YIPF2: variants seen among roughly 807,000 people sequenced by gnomAD.
The protein encoded by YIPF2 is Yip1 domain family member 2.
A neutral mutation model predicts 38.8 loss-of-function variants in YIPF2; 30 were observed. The observed-to-expected ratio is 0.77, with a 90% CI of 0.58 to 1.05. YIPF2 has a LOEUF of 1.05. Ranked by LOEUF, YIPF2 falls within the 50% of genes least tolerant of loss-of-function variation. The pLI is 0.00. For synonymous variants in YIPF2, 194 were observed against 183.8 expected (o/e 1.06, Z -0.45); for missense variants, 401 against 409.7 (o/e 0.98, Z 0.18).
Position 10,927,619 on chromosome 19 carries a change from C to G in YIPF2, c.279+11G>C. On this transcript the variant is annotated intron_variant, in intron 4 of 9. Coordinates refer to ENST00000586748, the MANE Select transcript of YIPF2 (RefSeq NM_001321439.2). ...CTCTGAGCCCCATCCCACCTGCCTCCCCAGCCTGACCTGTGAGGTGTCCAC... is the reference window on the plus strand; with the variant it reads ...CTCTGAGCCCCATCCCACCTGCCTCGCCAGCCTGACCTGTGAGGTGTCCAC... 6.2e-7 allele frequency: 1 copy of G among 1,613,254 alleles called. No homozygotes were observed. Among genetic ancestry groups the G allele is most frequent in the Non-Finnish European group, 8.5e-7 (1 of 1,179,658 alleles).
rs775654720 is a variant in YIPF2 at position 10,923,994 on chromosome 19, CG to C, written c.489del (p.Val164TrpfsTer187). ...IHYSPQFHKV[T>X]VAGISIYCYA... Reference sequence around the variant, plus strand: ...TAGCAGTAGATGCTGATGCCTGCCACGGTCACTGGGGGGGGCAAGGTGAGCA... The same window carrying C: ...TAGCAGTAGATGCTGATGCCTGCCACGTCACTGGGGGGGGCAAGGTGAGCA... On this transcript the variant is annotated frameshift_variant, in exon 7 of 10. Transcript: ENST00000586748. LOFTEE classifies it high-confidence loss of function. 1.2e-6 allele frequency: 2 copies of C among 1,612,676 alleles called. No individual in the cohort carries two copies. Among genetic ancestry groups the C allele is most frequent in the Non-Finnish European group, 1.7e-6 (2 of 1,179,348 alleles).
chr19:10,924,681 G>A (rs914258684), intron 5 of YIPF2, among the ~76,000 whole-genome samples: 1 of 152,062 alleles, frequency 6.6e-6, no homozygotes, highest in Non-Finnish European at 1.5e-5. Flanking sequence ...AGCTGGTCCC[G>A]TGGATACGTG....
chr19:10,928,341 C>A (rs1238362339), intron 2 of YIPF2, 39 bp downstream of exon 2: 2 of 1,322,612 alleles, frequency 1.5e-6, no homozygotes, highest in Non-Finnish European at 1.9e-6. Flanking sequence ...TGGCCCGGGG[C>A]GGGAGTGGGA....
Position 10,928,560 on chromosome 19 carries a change from A to G in YIPF2, c.-80T>C, listed in dbSNP as rs2083463168. On this transcript the variant is annotated 5_prime_UTR_variant, in exon 1 of 10. Transcript: ENST00000586748. Reference sequence around the variant, plus strand: ...GGCTTGAACTCGTCGTCCCGTCCCCACAGGTGCGCTCCGCCCCCCCTCACC... The same window carrying G: ...GGCTTGAACTCGTCGTCCCGTCCCCGCAGGTGCGCTCCGCCCCCCCTCACC... 8.9e-7 allele frequency: 1 copy of G among 1,117,918 alleles called. No homozygotes were observed. The highest frequency in any genetic ancestry group is 1.2e-6 in the Non-Finnish European group (1 of 839,768). The allele number at this position is 1,117,918 out of a possible 1,614,324, so 69.2% of individuals were successfully genotyped here.
chr19:10,923,254 G>A lies in YIPF2; in HGVS notation c.*19+18C>T. 4 of 1,568,240 alleles carry A rather than the reference G, an allele frequency of 2.6e-6. No individual in the cohort carries two copies. The highest frequency in any genetic ancestry group is 3.5e-6 in the Non-Finnish European group (4 of 1,158,138). ...GTGGGAGGGCAGCCCCCTTAGCCCA[G>A]CTGGGAATAGTCCTTACCTGTGGGA... On this transcript the variant is annotated intron_variant, in intron 9 of 9. Transcript: ENST00000586748.
rs1599722589 is a variant in YIPF2 at position 10,924,749 on chromosome 19, T to G, written c.368-557A>C. On this transcript the variant is annotated intron_variant, in intron 5 of 9. Coordinates refer to ENST00000586748, the MANE Select transcript of YIPF2 (RefSeq NM_001321439.2). ...AATCCCTAGAGCCTGCCTCCGCTCC[T>G]AACCTCCCACTCCCCCCACCCCCAC... is the stretch of plus-strand genomic sequence containing the variant. 2.0e-5 allele frequency among the ~76,000 whole-genome samples: 3 copies of G among 151,848 alleles called. No individual in the cohort carries two copies. The East Asian group carries it at 5.8e-4, about 30-fold the overall frequency.
intron 5 of YIPF2, 147 bp from the exon 6 acceptor site, chr19:10,924,339 G>A (rs1046652104): frequency 1.6e-5 from 11 of 680,618 alleles, no homozygotes; most frequent in South Asian, 7.5e-5. Context: ...CCTGGTGGCT[G>A]AGCCCAGTGC....
chr19:10,928,088 C>T, intron 2 of YIPF2, 129 bp from the exon 3 acceptor site: 1 of 1,348,878 alleles, frequency 7.4e-7, no homozygotes, highest in Non-Finnish European at 1.0e-6. Flanking sequence ...CAAGGTGGGG[C>T]CCAACTTCCT....
intron 2 of YIPF2, 36 bp from the exon 3 acceptor site, chr19:10,927,995 A>AGG: frequency 6.3e-7 from 1 of 1,580,230 alleles, no homozygotes; most frequent in Non-Finnish European, 8.7e-7. Context: ...CGCACGTTTG[A>AGG]GGGGTGGAAA....
intron 6 of YIPF2, 26 bp from the exon 7 acceptor site, chr19:10,924,025 C>T (rs2074321879): frequency 6.2e-7 from 1 of 1,612,390 alleles, no homozygotes; most frequent in Non-Finnish European, 8.5e-7. Flanking sequence ...TGAGCAGTCA[C>T]CCCCTGTACC....
chr19:10,925,595 TG>T, intron 5 of YIPF2, 90 bp downstream of exon 5: 1 of 1,462,294 alleles, frequency 6.8e-7, no homozygotes, highest in Non-Finnish European at 9.4e-7. Context: ...TCTGAGTGAC[TG>T]ATTTGTCCGC....
intron 4 of YIPF2, 72 bp from the exon 5 acceptor site, chr19:10,925,845 C>G: frequency 1.4e-6 from 2 of 1,448,492 alleles, no homozygotes; most frequent in Non-Finnish European, 1.9e-6. Context: ...GGCTCCTTCC[C>G]TGCTGACCTC....
rs1040437976 is a variant in YIPF2 at position 10,923,454 on chromosome 19, C to G, written c.834+41G>C. On this transcript the variant is annotated intron_variant, in intron 8 of 9. Transcript: ENST00000586748. ...AGAGGCAGGGCCAGCCCATGCCCCC[C>G]TAGCCCCTCGGCCCCACCTGTGGCC... 43 of 1,612,926 alleles carry G rather than the reference C, an allele frequency of 2.7e-5. No homozygotes were observed. In the African/African-American group the frequency reaches 4.7e-4, roughly 18 times the overall value.
chr19:10,927,791 G>A lies in YIPF2; in HGVS notation c.192+8C>T. 1 of 1,607,870 alleles carries A rather than the reference G, an allele frequency of 6.2e-7. No individual in the cohort carries two copies. On this transcript the variant is annotated splice_region_variant and intron_variant, in intron 3 of 9. Coordinates refer to ENST00000586748, the MANE Select transcript of YIPF2 (RefSeq NM_001321439.2). ...GGGGCTGCAAGGAGGCAGGACACAG[G>A]GACTCACCGCGGCCTTGTCACTCTC...
At position 10,928,579 on chromosome 19, in the gene YIPF2, C is replaced by A. The variant is rs924957287; in HGVS notation, c.-99G>T. 63 of 1,056,190 alleles carry A rather than the reference C, an allele frequency of 6.0e-5. No homozygotes were observed. The highest frequency in any genetic ancestry group is 7.7e-5 in the Non-Finnish European group (60 of 779,592). The allele number at this position is 1,056,190 out of a possible 1,614,324, so 65.4% of individuals were successfully genotyped here. A position where few individuals can be genotyped will look rare whatever the true frequency, so the allele number is the denominator to read the frequency against. ...GTCCCCACAGGTGCGCTCCGCCCCC[C>A]CTCACCTGAGGCCACCTGGGCCGGC... is the stretch of plus-strand genomic sequence containing the variant. On this transcript the variant is annotated 5_prime_UTR_variant, in exon 1 of 10. Transcript: ENST00000586748.
At chr19:10,925,547 A>T (rs1326088119) in intron 5 of YIPF2, 139 bp downstream of exon 5, 2 of 1,019,208 alleles carry the variant, frequency 2.0e-6, no homozygotes, top group African/African-American at 3.2e-5. Context: ...GCAGTCCTTC[A>T]TGTCTCTGTC....
Position 10,927,483 on chromosome 19 carries a change from G to T in YIPF2, c.279+147C>A, listed in dbSNP as rs1599727797. The T allele has an allele frequency of 1.0e-5, 11 of 1,051,736 alleles. No individual in the cohort carries two copies. The South Asian group carries it at 1.5e-4, about 14-fold the overall frequency. 65.2% of individuals were successfully genotyped at this position (1,051,736 alleles called of 1,614,324 possible). A position where few individuals can be genotyped will look rare whatever the true frequency, so the allele number is the denominator to read the frequency against. On this transcript the variant is annotated intron_variant, in intron 4 of 9. Transcript: ENST00000586748. The stretch of plus-strand genomic sequence containing the variant: ...GTGTCCCCTGTGTTCCCATAGTCCC[G>T]ATCCATAACCAGTCCCACCATAACC...
rs1376544261 is a variant in YIPF2, at chr19:10,928,035, G to A, written c.32-76C>T. The A allele has an allele frequency of 1.9e-6, 3 of 1,539,946 alleles. No homozygotes were observed. The African/African-American group carries it at 4.1e-5, about 21-fold the overall frequency. ...TCGACTGGGCCCAAGCTAAACCGAT[G>A]CTCATCTGGGGGCGGAGGCTCTGCT... On this transcript the variant is annotated intron_variant, in intron 2 of 9. Coordinates refer to ENST00000586748, the MANE Select transcript of YIPF2 (RefSeq NM_001321439.2).
chr19:10,928,580 C>A lies in YIPF2; in HGVS notation c.-100G>T. On this transcript the variant is annotated 5_prime_UTR_variant, in exon 1 of 10. The change creates a new upstream start codon in the 5' untranslated region. Coordinates refer to ENST00000586748, the MANE Select transcript of YIPF2 (RefSeq NM_001321439.2). ...TCCCCACAGGTGCGCTCCGCCCCCCCTCACCTGAGGCCACCTGGGCCGGCG... is the reference window on the plus strand; with the variant it reads ...TCCCCACAGGTGCGCTCCGCCCCCCATCACCTGAGGCCACCTGGGCCGGCG... The A allele has an allele frequency of 9.6e-7, 1 of 1,043,528 alleles. No homozygotes were observed. 64.6% of individuals were successfully genotyped at this position (1,043,528 alleles called of 1,614,324 possible). A position where few individuals can be genotyped will look rare whatever the true frequency, so the allele number is the denominator to read the frequency against.
Sources: gnomAD v4.1 joint callset for allele counts (sites outside exome capture counted in the v4.1 genomes callset) on GRCh38, gnomAD v4.1.1 for gene constraint, MANE v1.5 for transcripts, NCBI Gene and HGNC (gene_info 2026-07-23, HGNC 2026-07-21) for gene names.